The following IPO7 variants were observed in gnomAD, a reference collection of about 807,000 sequenced individuals.
IPO7 encodes importin-7.
A neutral mutation model predicts 136.4 loss-of-function variants in IPO7; 13 were observed. The ratio of observed to expected loss-of-function variants is 0.10; its 90% CI spans 0.06 to 0.15. The LOEUF (loss-of-function observed/expected upper bound fraction) is 0.15. IPO7 is among the 10% of genes least tolerant of loss of function. The pLI is 1.00. For synonymous variants in IPO7, 403 were observed against 404.4 expected (o/e 1.00, Z 0.04); for missense variants, 857 against 1,240.6 (o/e 0.69, Z 4.65).
chr11:9,398,561 A>G (rs1435352823), intron 1 of IPO7, among the ~76,000 whole-genome samples: 7 of 152,214 alleles, frequency 4.6e-5, no homozygotes, highest in Non-Finnish European at 8.8e-5. Flanking sequence ...AAGACTCTGA[A>G]ATGAAGTCAT....
intron 5 of IPO7, 33 bp from the exon 6 acceptor site, chr11:9,417,026 A>G (rs757946471): frequency 3.0e-5 from 30 of 995,936 alleles, no homozygotes; most frequent in Non-Finnish European, 3.6e-5. Context: ...TTTAGCAAGG[A>G]TTTCGAAATA....
intron 8 of IPO7, 65 bp from the exon 9 acceptor site, chr11:9,422,941 C>CTGGCTT (rs1047817452): frequency 1.2e-5 from 12 of 986,122 alleles, no homozygotes; most frequent in Non-Finnish European, 1.6e-5. Flanking sequence ...ACTGTTTTTA[C>CTGGCTT]TGGCTTGTAA....
At chr11:9,435,996 A>C (rs1855363477) in intron 19 of IPO7, among the ~76,000 whole-genome samples, 1 of 152,226 alleles carries the variant, frequency 6.6e-6, no homozygotes, top group Non-Finnish European at 1.5e-5. Context: ...GCTGTAATCC[A>C]GAATGGCACT....
chr11:9,439,090 A>G (rs1009256003), intron 22 of IPO7, among the ~76,000 whole-genome samples: 1 of 152,094 alleles, frequency 6.6e-6, no homozygotes, highest in African/African-American at 2.4e-5. Flanking sequence ...CCTGGGTAAC[A>G]TAGTGAAACC....
intron 23 of IPO7, among the ~76,000 whole-genome samples, 195 bp from the exon 24 acceptor site, chr11:9,441,886 A>T (rs940942505): frequency 2.0e-5 from 3 of 152,218 alleles, no homozygotes; most frequent in African/African-American, 7.2e-5. Flanking sequence ...GGAGCCATAA[A>T]GATAAGCTGT....
At chr11:9,393,032 C>T (rs1302096866) in intron 1 of IPO7, among the ~76,000 whole-genome samples, 1 of 151,158 alleles carries the variant, frequency 6.6e-6, no homozygotes, top group Non-Finnish European at 1.5e-5. Flanking sequence ...AAATGTGGGT[C>T]CAGAGGGAAA....
At chr11:9,387,469 C>T (rs1447457277) in intron 1 of IPO7, among the ~76,000 whole-genome samples, 2 of 152,342 alleles carry the variant, frequency 1.3e-5, no homozygotes, top group Non-Finnish European at 2.9e-5. Context: ...CCATCATACT[C>T]CCTATCTCCT....
intron 18 of IPO7, 36 bp from the exon 19 acceptor site, chr11:9,434,898 C>T (rs201013218): frequency 1.1e-4 from 152 of 1,322,856 alleles, no homozygotes; most frequent in Non-Finnish European, 1.6e-4. Flanking sequence ...ATTTGTGTTA[C>T]TAAAGATGTG....
chr11:9,395,060 C>T (rs1854689841), intron 1 of IPO7, among the ~76,000 whole-genome samples: 2 of 151,934 alleles, frequency 1.3e-5, no homozygotes, highest in Non-Finnish European at 2.9e-5. Flanking sequence ...TAATTAGGGG[C>T]AGCATCCAGA....
intron 10 of IPO7, among the ~76,000 whole-genome samples, chr11:9,424,702 A>G (rs1274819135): frequency 6.6e-6 from 1 of 152,230 alleles, no homozygotes; most frequent in African/African-American, 2.4e-5. Flanking sequence ...GAGATCGCCC[A>G]CTGCACTCCA....
intron 1 of IPO7, among the ~76,000 whole-genome samples, chr11:9,401,907 C>G (rs1854802032): frequency 6.6e-6 from 1 of 152,232 alleles, no homozygotes; most frequent in South Asian, 2.1e-4. Context: ...ACCTTGGACA[C>G]TACCCCCAAA....
intron 24 of IPO7, among the ~76,000 whole-genome samples, chr11:9,443,279 G>C (rs560133610): frequency 6.6e-6 from 1 of 152,132 alleles, no homozygotes; most frequent in South Asian, 2.1e-4. Context: ...TGGTTAGATA[G>C]TAGAAAGTTC....
intron 22 of IPO7, among the ~76,000 whole-genome samples, chr11:9,439,862 C>T (rs1378521343): frequency 2.0e-5 from 3 of 152,130 alleles, no homozygotes; most frequent in Non-Finnish European, 2.9e-5. Context: ...CGTGAGCCAC[C>T]GCGCCCGGCG....
rs145341987 is a variant in IPO7, at chr11:9,404,484, A to T, written c.166+1113A>T. On this transcript the variant is annotated intron_variant, in intron 2 of 24. Transcript: ENST00000379719. ...CATCTCAAAAAAATAAATAAAAAATAAAAAAAAATTGTTTTCTCACTTCAC... is the reference window on the plus strand; with the variant it reads ...CATCTCAAAAAAATAAATAAAAAATTAAAAAAAATTGTTTTCTCACTTCAC... 3.0e-3 allele frequency among the ~76,000 whole-genome samples: 461 copies of T among 151,748 alleles called. 3 individuals carry two copies. The highest frequency in any genetic ancestry group is 1.0e-2 in the African/African-American group (412 of 41,396).
intron 2 of IPO7, among the ~76,000 whole-genome samples, chr11:9,404,274 G>C (rs2133732047): frequency 6.6e-6 from 1 of 152,092 alleles, no homozygotes; most frequent in East Asian, 2.0e-4. Context: ...GACCATCCTG[G>C]CTAACACGGT....
chr11:9,395,424 A>G (rs984094063), intron 1 of IPO7, among the ~76,000 whole-genome samples: 4 of 151,768 alleles, frequency 2.6e-5, no homozygotes, highest in African/African-American at 9.7e-5. Context: ...TATGTTTACC[A>G]GAGATGGGGT....
intron 12 of IPO7, among the ~76,000 whole-genome samples, chr11:9,427,467 C>T (rs61876788): frequency 0.011 from 1,748 of 152,268 alleles, 12 homozygotes; most frequent in Middle Eastern, 0.024. Flanking sequence ...ACCATGTTGG[C>T]CTGGCTGGTC....
intron 1 of IPO7, chr11:9,392,285 C>T (rs1854646502): frequency 6.2e-6 from 2 of 322,424 alleles, no homozygotes; most frequent in South Asian, 4.6e-5. Context: ...TCGGGCAATT[C>T]TCCTGCCTCA....
At chr11:9,399,617 T>C (rs1854765478) in intron 1 of IPO7, among the ~76,000 whole-genome samples, 1 of 152,068 alleles carries the variant, frequency 6.6e-6, no homozygotes, top group Non-Finnish European at 1.5e-5. Flanking sequence ...CAGTGGAAAA[T>C]TATGCTTTGT....
Sources: gnomAD v4.1 joint callset for allele counts (sites outside exome capture counted in the v4.1 genomes callset) on GRCh38, gnomAD v4.1.1 for gene constraint, MANE v1.5 for transcripts, NCBI Gene and HGNC (gene_info 2026-07-23, HGNC 2026-07-21) for gene names.